The following CCNY variants were observed in gnomAD, a reference collection of about 807,000 sequenced individuals.
CCNY encodes the protein cyclin-Y.
CCNY carries 19 observed loss-of-function variants against 42.8 expected under a neutral mutation model. The ratio of observed to expected loss-of-function variants is 0.44; its 90% CI spans 0.31 to 0.65. CCNY has a LOEUF of 0.65. Ranked by LOEUF, CCNY falls within the 30% of genes least tolerant of loss-of-function variation. CCNY has a pLI of 0.07. For synonymous variants in CCNY, 165 were observed against 162.7 expected, an observed-to-expected ratio of 1.01 and a Z score of -0.11; for missense variants, 370 against 437.3, an observed-to-expected ratio of 0.85 and a Z score of 1.37.
chr10:35,258,751 CAG>C (rs2095717303), intron 3 of CCNY, among the ~76,000 whole-genome samples: 1 of 152,056 alleles, frequency 6.6e-6, no homozygotes, highest in East Asian at 1.9e-4. Context: ...GCCTGGCCAA[CAG>C]AGTGAAACCC....
chr10:35,493,529 C>T (rs1052491678), intron 2 of CCNY, among the ~76,000 whole-genome samples: 14 of 152,156 alleles, frequency 9.2e-5, no homozygotes, highest in Non-Finnish European at 8.8e-5. Context: ...CTGGCTGCCC[C>T]GTGACATCTA....
chr10:35,352,972 C>A (rs1836460866), intron 1 of CCNY, among the ~76,000 whole-genome samples: 1 of 152,184 alleles, frequency 6.6e-6, no homozygotes, highest in African/African-American at 2.4e-5. Context: ...GTAACCTGGA[C>A]TGGAGTGCAG....
intron 1 of CCNY, among the ~76,000 whole-genome samples, chr10:35,476,293 A>G: frequency 6.6e-6 from 1 of 152,148 alleles, no homozygotes; most frequent in East Asian, 1.9e-4. Context: ...CCTAATAGAC[A>G]TCTACAGAAC....
intron 1 of CCNY, among the ~76,000 whole-genome samples, chr10:35,379,268 C>T (rs1837123946): frequency 6.6e-6 from 1 of 152,128 alleles, no homozygotes; most frequent in Admixed American, 6.5e-5. Flanking sequence ...GGGGTTGGGG[C>T]TGGTCGAAGG....
At chr10:35,482,733 A>G (rs1392142703) in intron 1 of CCNY, among the ~76,000 whole-genome samples, 1 of 142,550 alleles carries the variant, frequency 7.0e-6, no homozygotes, top group Non-Finnish European at 1.5e-5. Flanking sequence ...TGATTTCTCA[A>G]GGGAAGCTGG....
intron 3 of CCNY, among the ~76,000 whole-genome samples, chr10:35,282,846 T>C (rs961768324): frequency 3.3e-5 from 5 of 152,074 alleles, no homozygotes; most frequent in African/African-American, 1.2e-4. Context: ...TGTTAGGACA[T>C]ATAAATTGTA....
chr10:35,263,715 G>T (rs1381569126), intron 3 of CCNY, among the ~76,000 whole-genome samples: 1 of 152,070 alleles, frequency 6.6e-6, no homozygotes, highest in Non-Finnish European at 1.5e-5. Context: ...CGGGATACAT[G>T]TGCAGGATGT....
intron 3 of CCNY, among the ~76,000 whole-genome samples, chr10:35,268,319 G>C (rs2095727721): frequency 2.0e-5 from 3 of 152,164 alleles, no homozygotes; most frequent in Admixed American, 2.0e-4. Flanking sequence ...TTCGAGAACA[G>C]CCTGGCCAAC....
chr10:35,304,066 G>A (rs994591597), intron 3 of CCNY, among the ~76,000 whole-genome samples: 6 of 152,022 alleles, frequency 3.9e-5, no homozygotes, highest in Admixed American at 2.0e-4. Flanking sequence ...CAGTTTCTCC[G>A]TCTCCTGCAC....
intron 2 of CCNY, among the ~76,000 whole-genome samples, chr10:35,248,413 T>G (rs1245064372): frequency 6.7e-6 from 1 of 148,374 alleles, no homozygotes; most frequent in Admixed American, 6.7e-5. Flanking sequence ...GGAGGCCGAG[T>G]TGGGCAGATC....
intron 1 of CCNY, among the ~76,000 whole-genome samples, chr10:35,371,396 CTT>C (rs1437856324): frequency 1.3e-5 from 2 of 152,308 alleles, no homozygotes; most frequent in Non-Finnish European, 2.9e-5. Flanking sequence ...GCCTTTATCT[CTT>C]TGCTTTTAGG....
intron 1 of CCNY, among the ~76,000 whole-genome samples, chr10:35,365,420 A>T (rs1471596210): frequency 6.6e-6 from 1 of 152,256 alleles, no homozygotes; most frequent in African/African-American, 2.4e-5. Flanking sequence ...CAAATTCAAA[A>T]TGAGGAGACA....
At chr10:35,322,353 CAAA>C (rs34956470) in intron 3 of CCNY, among the ~76,000 whole-genome samples, 5 of 101,776 alleles carry the variant, frequency 4.9e-5, no homozygotes, top group Admixed American at 9.6e-5. Context: ...GACTCTGTCT[CAAA>C]AAAAAAAAAA....
At chr10:35,395,768 T>C (rs1837511282) in intron 1 of CCNY, among the ~76,000 whole-genome samples, 1 of 152,222 alleles carries the variant, frequency 6.6e-6, no homozygotes, top group African/African-American at 2.4e-5. Context: ...GTGTTACTTT[T>C]AGGTCCTGTG....
chr10:35,476,087 G>A (rs1470954339), intron 1 of CCNY, among the ~76,000 whole-genome samples: 1,565 of 152,204 alleles, frequency 0.01, 23 homozygotes, highest in African/African-American at 0.036. Flanking sequence ...AGAGCTAACT[G>A]TCCTAAATAT....
intron 1 of CCNY, among the ~76,000 whole-genome samples, chr10:35,391,218 G>T (rs1837405859): frequency 6.6e-6 from 1 of 152,198 alleles, no homozygotes; most frequent in Admixed American, 6.5e-5. Context: ...CCTGATGCAG[G>T]TAGCCCCTAC....
At chr10:35,330,517 C>T (rs1236034452) in intron 3 of CCNY, among the ~76,000 whole-genome samples, 2 of 152,174 alleles carry the variant, frequency 1.3e-5, no homozygotes, top group Non-Finnish European at 2.9e-5. Context: ...AAGCTCTTAT[C>T]AATGAATAAT....
At chr10:35,550,812 C>A (rs1841238589) in intron 7 of CCNY, among the ~76,000 whole-genome samples, 1 of 152,010 alleles carries the variant, frequency 6.6e-6, no homozygotes, top group Admixed American at 6.5e-5. Flanking sequence ...CTGTCTCCAG[C>A]CTTAAAATGG....
chr10:35,511,470 G>A (rs1285618924), intron 3 of CCNY, among the ~76,000 whole-genome samples: 1 of 152,200 alleles, frequency 6.6e-6, no homozygotes, highest in Non-Finnish European at 1.5e-5. Context: ...GATGAGTGGA[G>A]TCAGGGAGGG....
Sources: allele counts gnomAD v4.1 joint callset (sites outside exome capture counted in the v4.1 genomes callset), GRCh38; gene constraint gnomAD v4.1.1; transcripts MANE v1.5; gene names NCBI Gene and HGNC (gene_info 2026-07-23, HGNC 2026-07-21).